TNFSF8: variants seen among roughly 807,000 people sequenced by gnomAD.
The protein encoded by TNFSF8 is tumor necrosis factor ligand superfamily member 8.
In TNFSF8, 4 loss-of-function variants were observed where a neutral mutation model predicts 22.0. The observed-to-expected ratio is 0.18, with a 90% CI of 0.09 to 0.42. The LOEUF (loss-of-function observed/expected upper bound fraction) is 0.42. TNFSF8 is among the 10% of genes least tolerant of loss of function. The pLI, the probability that TNFSF8 is intolerant of heterozygous loss-of-function variation, is 1.00. For synonymous variants in TNFSF8, 106 were observed against 112.5 expected (o/e 0.94, Z 0.37); for missense variants, 233 against 281.8 (o/e 0.83, Z 1.24).
intron 2 of TNFSF8, among the ~76,000 whole-genome samples, chr9:114,907,940 G>A (rs902141731): frequency 6.6e-5 from 10 of 152,172 alleles, no homozygotes; most frequent in African/African-American, 1.7e-4. Flanking sequence ...CTGCCTGACC[G>A]CTGCCCGAAT....
At chr9:114,917,542 C>T (rs1043899832) in intron 2 of TNFSF8, among the ~76,000 whole-genome samples, 3 of 152,164 alleles carry the variant, frequency 2.0e-5, no homozygotes, top group African/African-American at 7.2e-5. Flanking sequence ...TTAGTGACTT[C>T]AATGATTGGA....
intron 3 of TNFSF8, 123 bp from the exon 4 acceptor site, chr9:114,904,448 C>T: frequency 7.4e-7 from 1 of 1,360,162 alleles, no homozygotes; most frequent in South Asian, 1.5e-5. Context: ...TTCCAATCAT[C>T]TGAATATCTT....
downstream of TNFSF8, among the ~76,000 whole-genome samples, chr9:114,900,411 G>A (rs1259710759): frequency 6.6e-6 from 1 of 152,216 alleles, no homozygotes; most frequent in African/African-American, 2.4e-5. Context: ...CACTTGCGAA[G>A]TCCTCGAGTG....
intron 1 of TNFSF8, among the ~76,000 whole-genome samples, chr9:114,921,084 G>A (rs1016930792): frequency 6.6e-6 from 1 of 152,162 alleles, no homozygotes; most frequent in Non-Finnish European, 1.5e-5. Context: ...ATTTATATGG[G>A]GGTCAAGGAA....
chr9:114,921,888 C>T (rs73659308), intron 1 of TNFSF8, among the ~76,000 whole-genome samples: 40 of 152,248 alleles, frequency 2.6e-4, no homozygotes, highest in African/African-American at 9.1e-4. Context: ...TTTTTGGCCT[C>T]TGTAGATGTC....
At chr9:114,908,672 A>G (rs1488551623) in intron 2 of TNFSF8, among the ~76,000 whole-genome samples, 1 of 152,118 alleles carries the variant, frequency 6.6e-6, no homozygotes, top group Non-Finnish European at 1.5e-5. Flanking sequence ...ATTTTGAAAC[A>G]TTTGCATTTC....
At chr9:114,920,697 C>T (rs753055654) in intron 1 of TNFSF8, among the ~76,000 whole-genome samples, 1 of 152,000 alleles carries the variant, frequency 6.6e-6, no homozygotes, top group Non-Finnish European at 1.5e-5. Flanking sequence ...GAGATGGAGC[C>T]TCACTCTGTC....
rs1827727582 is a variant in TNFSF8, at chr9:114,902,308, GAGAGGTGTTTGAAGC to G, written c.*1608_*1622del. 3 of 985,454 alleles carry G rather than the reference GAGAGGTGTTTGAAGC, an allele frequency of 3.0e-6. No individual in the cohort carries two copies. Among genetic ancestry groups the G allele is most frequent in the Non-Finnish European group, 3.6e-6 (3 of 829,944 alleles). 61.0% of individuals were successfully genotyped at this position (985,454 alleles called of 1,614,324 possible). On this transcript the variant is annotated 3_prime_UTR_variant, in exon 4 of 4. Coordinates refer to ENST00000223795, the MANE Select transcript of TNFSF8 (RefSeq NM_001244.4). Reference sequence around the variant, plus strand: ...AAAACCCTCGCGGAACTGGTTTTCTGAGAGGTGTTTGAAGCAGGAATATATTATGCAGGGGATGGA... The same window carrying G: ...AAAACCCTCGCGGAACTGGTTTTCTGAGGAATATATTATGCAGGGGATGGA...
At chr9:114,918,583 G>T (rs1827948785) in intron 1 of TNFSF8, among the ~76,000 whole-genome samples, 1 of 152,028 alleles carries the variant, frequency 6.6e-6, no homozygotes, top group Non-Finnish European at 1.5e-5. Context: ...CTGAGTAGCT[G>T]GGAGTACAGG....
chr9:114,903,761 C>G lies in TNFSF8; in HGVS notation c.*170G>C. ...TGAAAGATACTTCACTAAAAACTCT[C>G]TTTTTAACCCTGGAGCTGTATCTTT... On this transcript the variant is annotated 3_prime_UTR_variant, in exon 4 of 4. Transcript: ENST00000223795. 7.3e-7 allele frequency: 1 copy of G among 1,379,216 alleles called. No individual in the cohort carries two copies. Among genetic ancestry groups the G allele is most frequent in the Non-Finnish European group, 9.3e-7 (1 of 1,072,268 alleles). 85.4% of individuals were successfully genotyped at this position (1,379,216 alleles called of 1,614,324 possible). A position where few individuals can be genotyped will look rare whatever the true frequency, so the allele number is the denominator to read the frequency against.
rs767725717 is a variant in TNFSF8 at position 114,930,110 on chromosome 9, G to A, written c.194C>T (p.Thr65Met). Reference protein sequence around the residue: ...ATIMVLVVQRTDSIPNSPDNV... With the variant: ...ATIMVLVVQRMDSIPNSPDNV... ...AGGGAGGAAGAGGAGTCCACTTACCGTCCTCTGAACGACCAACACCATAAT... is the reference window on the plus strand; with the variant it reads ...AGGGAGGAAGAGGAGTCCACTTACCATCCTCTGAACGACCAACACCATAAT... The change falls in exon 1 of 4, where the codon ACG becomes ATG. Residue 65 changes from threonine (T) to methionine (M), a missense_variant and splice_region_variant. By Grantham distance (81) the Thr-to-Met change is moderately conservative. Transcript: ENST00000223795. 6.8e-6 allele frequency: 10 copies of A among 1,475,876 alleles called. No individual in the cohort carries two copies. The highest frequency in any genetic ancestry group is 1.5e-5 in the African/African-American group (1 of 68,862). 91.4% of individuals were successfully genotyped at this position (1,475,876 alleles called of 1,614,324 possible). A position where few individuals can be genotyped will look rare whatever the true frequency, so the allele number is the denominator to read the frequency against.
intron 3 of TNFSF8, among the ~76,000 whole-genome samples, chr9:114,904,888 C>T (rs539484778): frequency 3.2e-4 from 48 of 152,262 alleles, no homozygotes; most frequent in Admixed American, 6.5e-4. Context: ...AAGATGTATC[C>T]TCTAACGGTT....
At chr9:114,912,361 T>C (rs1827862224) in intron 2 of TNFSF8, among the ~76,000 whole-genome samples, 1 of 152,206 alleles carries the variant, frequency 6.6e-6, no homozygotes, top group African/African-American at 2.4e-5. Context: ...ATAGTTTGAA[T>C]GAAATACATA....
At position 114,903,560 on chromosome 9, in the gene TNFSF8, C is replaced by T. The variant is rs1280210734; in HGVS notation, c.*371G>A. On this transcript the variant is annotated 3_prime_UTR_variant, in exon 4 of 4. Transcript: ENST00000223795. ...AGCTCCCCTTCATTTCCCATTAGGG[C>T]AGAGTTGCTAGCTGCTCTGGTACTG... The T allele has an allele frequency of 3.3e-6, 1 of 299,724 alleles. No homozygotes were observed. Among genetic ancestry groups the T allele is most frequent in the African/African-American group, 2.3e-5 (1 of 44,256 alleles). The allele number at this position is 299,724 out of a possible 1,614,324, so 18.6% of individuals were successfully genotyped here.
At chr9:114,904,376 C>G in intron 3 of TNFSF8, 51 bp from the exon 4 acceptor site, 2 of 1,533,024 alleles carry the variant, frequency 1.3e-6, no homozygotes, top group Non-Finnish European at 8.7e-7. Flanking sequence ...TGTAGGTACG[C>G]ATTGCAAAAT....
In TNFSF8 at chr9:114,902,982, AGG is replaced by A. The variant is rs1384314396; in HGVS notation, c.*947_*948del. The A allele has an allele frequency of 1.3e-5, 2 of 155,348 alleles. No individual in the cohort carries two copies. Among genetic ancestry groups the A allele is most frequent in the East Asian group, 3.8e-4 (2 of 5,206 alleles). 9.6% of individuals were successfully genotyped at this position (155,348 alleles called of 1,614,324 possible). ...CCTCTGGCCAGAGACAAGAACTTAG[AGG>A]CATCTTTCCTGCCTAGCAGACTGGA... On this transcript the variant is annotated 3_prime_UTR_variant, in exon 4 of 4. Coordinates refer to ENST00000223795, the MANE Select transcript of TNFSF8 (RefSeq NM_001244.4).
At chr9:114,898,434 G>C (rs571422260), downstream of TNFSF8, among the ~76,000 whole-genome samples, 1 of 152,312 alleles carries the variant, frequency 6.6e-6, no homozygotes, top group Non-Finnish European at 1.5e-5. Flanking sequence ...TGCTATTGCT[G>C]TCTGGAGATG....
At chr9:114,913,458 T>G (rs1308719560) in intron 2 of TNFSF8, among the ~76,000 whole-genome samples, 1 of 152,168 alleles carries the variant, frequency 6.6e-6, no homozygotes, top group Non-Finnish European at 1.5e-5. Context: ...CGTGTGGCCC[T>G]CTGTGACCCT....
chr9:114,919,366 G>A (rs1055715484), intron 1 of TNFSF8, among the ~76,000 whole-genome samples: 2 of 152,072 alleles, frequency 1.3e-5, no homozygotes, highest in Non-Finnish European at 2.9e-5. Context: ...TTGAAGGAGG[G>A]AATCCTGGGC....
Sources: gnomAD v4.1 joint callset for allele counts (sites outside exome capture counted in the v4.1 genomes callset) on GRCh38, gnomAD v4.1.1 for gene constraint, MANE v1.5 for transcripts, NCBI Gene and HGNC (gene_info 2026-07-23, HGNC 2026-07-21) for gene names.